Variants in KCNIP4 observed in about 807,000 individuals in gnomAD.
KCNIP4 encodes the protein potassium voltage-gated channel interacting protein 4.
Under a neutral mutation model 34.0 loss-of-function variants are expected in KCNIP4, and 12 were observed. The observed-to-expected ratio is 0.35, with a 90% CI of 0.23 to 0.57. The LOEUF (loss-of-function observed/expected upper bound fraction) is 0.57, where lower values mean the gene tolerates loss of function less well. Ranked by LOEUF, KCNIP4 falls within the 20% of genes least tolerant of loss-of-function variation. KCNIP4 has a pLI of 0.83. For missense variants in KCNIP4, 238 were observed against 311.7 expected, an observed-to-expected ratio of 0.76 and a Z score of 1.78; for synonymous variants, 124 against 102.2, an observed-to-expected ratio of 1.21 and a Z score of -1.29.
intron 4 of KCNIP4, 100 bp downstream of exon 4, chr4:20,758,721 C>T (rs930247020): frequency 1.8e-5 from 16 of 883,208 alleles, no homozygotes; most frequent in Non-Finnish European, 2.6e-5. Context: ...TTTTACATAA[C>T]GATTAAAAAT....
intron 1 of KCNIP4, among the ~76,000 whole-genome samples, chr4:20,995,672 A>G: frequency 6.6e-6 from 1 of 152,214 alleles, no homozygotes; most frequent in East Asian, 1.9e-4. Context: ...CTGTATTATT[A>G]TACTTCATCT....
At chr4:21,695,408 G>T (rs1256321654) in intron 1 of KCNIP4, among the ~76,000 whole-genome samples, 1 of 150,722 alleles carries the variant, frequency 6.6e-6, no homozygotes, top group Non-Finnish European at 1.5e-5. Context: ...TGTTCTCAAA[G>T]TTCAAAGATG....
chr4:21,148,946 T>C (rs559931255), intron 1 of KCNIP4, among the ~76,000 whole-genome samples: 1 of 152,326 alleles, frequency 6.6e-6, no homozygotes, highest in African/African-American at 2.4e-5. Context: ...TGGCTTTGAG[T>C]ATACAGCATT....
At chr4:21,491,212 GAATA>G (rs751206002) in intron 1 of KCNIP4, among the ~76,000 whole-genome samples, 13 of 152,130 alleles carry the variant, frequency 8.5e-5, no homozygotes, top group Non-Finnish European at 1.6e-4. Context: ...ATGGTTTCGT[GAATA>G]AATAAATGAT....
chr4:21,239,394 G>C (rs1487587344), intron 1 of KCNIP4, among the ~76,000 whole-genome samples: 3 of 151,460 alleles, frequency 2.0e-5, no homozygotes, highest in Admixed American at 1.3e-4. Flanking sequence ...TTAAACTAAA[G>C]AGCTTCTGCA....
chr4:21,413,704 G>A (rs1198692466), intron 1 of KCNIP4, among the ~76,000 whole-genome samples: 2 of 152,148 alleles, frequency 1.3e-5, no homozygotes, highest in Non-Finnish European at 2.9e-5. Context: ...GTTCTTTTAG[G>A]AGGCATCAAT....
Position 21,489,288 on chromosome 4 carries a change from C to A in KCNIP4, c.61+459283G>T, listed in dbSNP as rs190399484. ...AAGAAAGAAAAAGAGAGAATCCCAG[C>A]CACATAAACACTCAGTTTATGAACA... On this transcript the variant is annotated intron_variant, in intron 1 of 8. Transcript: ENST00000382152. Among the ~76,000 whole-genome samples, 6 of 148,096 alleles carry A rather than the reference C, an allele frequency of 4.1e-5. No homozygotes were observed. The East Asian group carries it at 1.2e-3, about 30-fold the overall frequency.
intron 1 of KCNIP4, among the ~76,000 whole-genome samples, chr4:21,084,266 T>C (rs1048528371): frequency 1.3e-5 from 2 of 149,952 alleles, no homozygotes; most frequent in Admixed American, 6.6e-5. Flanking sequence ...AGGTGAGCCA[T>C]GCAATGATGG....
At chr4:21,791,283 A>T (rs1720267990) in intron 1 of KCNIP4, among the ~76,000 whole-genome samples, 1 of 152,060 alleles carries the variant, frequency 6.6e-6, no homozygotes. Flanking sequence ...CATTAATCTC[A>T]TTCATGAGGG....
intron 1 of KCNIP4, among the ~76,000 whole-genome samples, chr4:21,491,421 C>T (rs1335334075): frequency 6.6e-6 from 1 of 152,172 alleles, no homozygotes; most frequent in Non-Finnish European, 1.5e-5. Flanking sequence ...GTTGCCCAGG[C>T]TGGAGTGCAA....
At chr4:21,171,326 A>G (rs889878579) in intron 1 of KCNIP4, among the ~76,000 whole-genome samples, 3 of 152,174 alleles carry the variant, frequency 2.0e-5, no homozygotes, top group African/African-American at 7.2e-5. Context: ...AGATGAGTTC[A>G]ATAAAAGTAG....
At chr4:20,867,526 G>C (rs907129396) in intron 2 of KCNIP4, among the ~76,000 whole-genome samples, 1 of 151,992 alleles carries the variant, frequency 6.6e-6, no homozygotes, top group Non-Finnish European at 1.5e-5. Context: ...AAGTTAACTC[G>C]AAATGGATTA....
At chr4:21,273,618 G>A (rs948485779) in intron 1 of KCNIP4, among the ~76,000 whole-genome samples, 3 of 152,010 alleles carry the variant, frequency 2.0e-5, no homozygotes, top group Non-Finnish European at 1.5e-5. Context: ...TCAATTCTAT[G>A]TAGAATGCTA....
At chr4:21,202,239 T>C (rs368515963) in intron 1 of KCNIP4, among the ~76,000 whole-genome samples, 18 of 152,258 alleles carry the variant, frequency 1.2e-4, no homozygotes, top group African/African-American at 4.1e-4. Context: ...CATGGAATAC[T>C]ATGCAGCCAT....
intron 1 of KCNIP4, among the ~76,000 whole-genome samples, chr4:20,895,869 T>G (rs372948695): frequency 1.3e-5 from 2 of 152,230 alleles, no homozygotes; most frequent in South Asian, 2.1e-4. Context: ...AGGCCAAACC[T>G]GAGAACCACT....
intron 3 of KCNIP4, among the ~76,000 whole-genome samples, chr4:20,786,961 A>C (rs920350745): frequency 6.6e-6 from 1 of 152,164 alleles, no homozygotes; most frequent in African/African-American, 2.4e-5. Context: ...GACTGGAAAG[A>C]AGTATAAATA....
At chr4:21,293,514 C>T (rs1763661766) in intron 1 of KCNIP4, among the ~76,000 whole-genome samples, 1 of 152,162 alleles carries the variant, frequency 6.6e-6, no homozygotes. Context: ...CAAATAATCC[C>T]ATCCTAATTG....
intron 1 of KCNIP4, among the ~76,000 whole-genome samples, chr4:21,035,857 G>A (rs1465671667): frequency 1.3e-5 from 2 of 152,098 alleles, no homozygotes; most frequent in Non-Finnish European, 2.9e-5. Context: ...TGGAACCCCT[G>A]TGTCCAAGAG....
intron 1 of KCNIP4, among the ~76,000 whole-genome samples, chr4:21,941,016 G>T (rs1269238246): frequency 6.6e-6 from 1 of 152,044 alleles, no homozygotes; most frequent in Non-Finnish European, 1.5e-5. Flanking sequence ...TGGATAAAAG[G>T]TATGGGCTAG....
Sources: gnomAD v4.1 joint callset for allele counts (sites outside exome capture counted in the v4.1 genomes callset) on GRCh38, gnomAD v4.1.1 for gene constraint, MANE v1.5 for transcripts, NCBI Gene and HGNC (gene_info 2026-07-23, HGNC 2026-07-21) for gene names.